PLA2G6: variants seen among roughly 807,000 people sequenced by gnomAD.
The protein encoded by PLA2G6 is 85/88 kDa calcium-independent phospholipase A2.
PLA2G6 carries 62 observed loss-of-function variants against 83.8 expected under a neutral mutation model. That is an observed-to-expected ratio of 0.74 (90% CI 0.60 to 0.91). The LOEUF (loss-of-function observed/expected upper bound fraction) is 0.91, where lower values mean the gene tolerates loss of function less well. Ranked by LOEUF, PLA2G6 falls within the 40% of genes least tolerant of loss-of-function variation. The pLI is 0.00. For synonymous variants in PLA2G6, 417 were observed against 449.8 expected (o/e 0.93, Z 0.92); for missense variants, 944 against 1,102.0 (o/e 0.86, Z 2.03).
At chr22:38,117,276 G>A (rs1243092259) in intron 12 of PLA2G6, among the ~76,000 whole-genome samples, 1 of 152,084 alleles carries the variant, frequency 6.6e-6, no homozygotes, top group Admixed American at 6.6e-5. Context: ...GCGCAATCTC[G>A]GCTCACTGCA....
rs1348483543 is a variant in PLA2G6, at chr22:38,123,536, CCAGTCTCCCCAACT to C, written c.1428-292_1428-279del. ...AGGCGCCATCCCAGCAGGATCTCGG[CCAGTCTCCCCAACT>C]TGGGACACCTGATTTTGGTCAGTAT... On this transcript the variant is annotated intron_variant, in intron 10 of 16. Coordinates refer to ENST00000332509, the MANE Select transcript of PLA2G6 (RefSeq NM_003560.4). This position sits in a 1 kb window ranked among gnomAD's most constrained non-coding sequence, Gnocchi z 4.1. 1.3e-5 allele frequency among the ~76,000 whole-genome samples: 2 copies of C among 152,146 alleles called. No homozygotes were observed. The highest frequency in any genetic ancestry group is 2.9e-5 in the Non-Finnish European group (2 of 68,032).
chr22:38,126,330 G>A (rs374686605), intron 10 of PLA2G6, 41 bp downstream of exon 10: 29 of 1,469,548 alleles, frequency 2.0e-5, no homozygotes, highest in African/African-American at 1.5e-4. Context: ...GCAGGAAAGC[G>A]CACACGTTCC....
rs191263821 is a variant in PLA2G6 at position 38,169,446 on chromosome 22, G to T, written c.-20C>A. The T allele has an allele frequency of 1.5e-3, 2,416 of 1,608,380 alleles. 5 individuals are homozygous for T. The highest frequency in any genetic ancestry group is 1.6e-3 in the Non-Finnish European group (1,920 of 1,175,404). ...CTGCATCTTCTGCGGGGCAGGTGGG[G>T]AGGCCCCACCGTCTTCCCCCTCTGT... On this transcript the variant is annotated 5_prime_UTR_variant, in exon 2 of 17. Coordinates refer to ENST00000332509, the MANE Select transcript of PLA2G6 (RefSeq NM_003560.4).
intron 6 of PLA2G6, chr22:38,133,455 C>T (rs890844447): frequency 4.8e-6 from 1 of 207,180 alleles, no homozygotes; most frequent in Non-Finnish European, 1.0e-5. Flanking sequence ...CAGACCTGAG[C>T]CCAAAGCCCA....
Position 38,139,991 on chromosome 22 carries a change from G to C in PLA2G6, c.788C>G (p.Ser263Cys), listed in dbSNP as rs2088801084. ...GGGGAGGAGGTCTTACCCCTTCTGA[G>C]AGAACTTCATGGCCGAGTGGATGGG... is the stretch of plus-strand genomic sequence containing the variant. ...GYPIHSAMKF[S>C]QKGCAEMIIS... Residue 263 changes from serine (S) to cysteine (C), a missense_variant, in exon 5 of 17, where the codon TCT (serine) becomes TGT (cysteine). Coordinates refer to ENST00000332509, the MANE Select transcript of PLA2G6 (RefSeq NM_003560.4). The C allele has an allele frequency of 6.3e-7, 1 of 1,595,854 alleles. No homozygotes were observed. Among genetic ancestry groups the C allele is most frequent in the Non-Finnish European group, 8.5e-7 (1 of 1,169,992 alleles).
intron 12 of PLA2G6, among the ~76,000 whole-genome samples, chr22:38,117,156 C>G (rs2087256731): frequency 6.6e-6 from 1 of 152,058 alleles, no homozygotes; most frequent in Admixed American, 6.6e-5. Context: ...GAAATATTTC[C>G]TCAAAACCCA....
chr22:38,123,192 G>A lies in PLA2G6; in HGVS notation c.1494C>T (p.Ile498=), dbSNP rs983066224. 1.2e-5 allele frequency: 18 copies of A among 1,553,346 alleles called. No homozygotes were observed. The highest frequency in any genetic ancestry group is 2.4e-5 in the East Asian group (1 of 41,232). ...VKGLIIIQLL[I]AIEKASGVAT... The stretch of plus-strand genomic sequence containing the variant: ...CCACACCCGAGGCCTTCTCGATGGC[G>A]ATGAGGAGCTGGATGATGATGAGGC... The change falls in exon 11 of 17, where the codon ATC becomes ATT. Residue 498 remains isoleucine, a synonymous_variant. Coordinates refer to ENST00000332509, the MANE Select transcript of PLA2G6 (RefSeq NM_003560.4). The surrounding 1 kb of genome is among the most constrained non-coding windows in gnomAD (Gnocchi z 4.1).
intron 2 of PLA2G6, chr22:38,163,432 C>G (rs538135983): frequency 5.9e-5 from 10 of 169,764 alleles, no homozygotes; most frequent in African/African-American, 2.4e-4. Context: ...CCACGGAGAG[C>G]GTGGCACACC....
intron 6 of PLA2G6, 125 bp downstream of exon 6, chr22:38,134,863 C>T (rs1602141895): frequency 7.6e-6 from 5 of 659,600 alleles, no homozygotes; most frequent in South Asian, 5.2e-5. Flanking sequence ...TGCCTGCACA[C>T]CCACTGCAAG....
chr22:38,135,480 C>T (rs1216825926), intron 5 of PLA2G6: 1 of 244,238 alleles, frequency 4.1e-6, no homozygotes, highest in Non-Finnish European at 8.3e-6. Context: ...TGGCACACAG[C>T]CACCCTCCAC....
chr22:38,159,413 G>A (rs1013136711), intron 2 of PLA2G6, among the ~76,000 whole-genome samples: 1 of 152,158 alleles, frequency 6.6e-6, no homozygotes, highest in African/African-American at 2.4e-5. Flanking sequence ...TTTTACCCAT[G>A]AATTCTTCCA....
intron 7 of PLA2G6, among the ~76,000 whole-genome samples, 200 bp from the exon 8 acceptor site, chr22:38,129,762 A>AAC (rs1176084116): frequency 6.6e-6 from 1 of 152,168 alleles, no homozygotes; most frequent in Non-Finnish European, 1.5e-5. Context: ...GGACCTGACA[A>AAC]ACAGGCTTAA....
intron 2 of PLA2G6, chr22:38,148,434 A>T (rs2089387087): frequency 1.4e-6 from 1 of 708,774 alleles, no homozygotes; most frequent in African/African-American, 1.8e-5. Context: ...TGCTGGACAA[A>T]TTATTAAAAA....
chr22:38,112,452 G>T (rs1045677686), intron 16 of PLA2G6, 52 bp downstream of exon 16: 71 of 1,503,874 alleles, frequency 4.7e-5, no homozygotes, highest in Admixed American at 4.7e-4. Flanking sequence ...AGGTCGGTGA[G>T]TCCGACCACG....
At chr22:38,114,250 G>A (rs576607172) in intron 14 of PLA2G6, among the ~76,000 whole-genome samples, 3 of 150,712 alleles carry the variant, frequency 2.0e-5, no homozygotes, top group Admixed American at 1.3e-4. Flanking sequence ...GCGCGATCTC[G>A]GCTCACTGCA....
At chr22:38,143,945 C>T (rs6001023) in intron 3 of PLA2G6, 8,566 of 172,630 alleles carry the variant, frequency 0.05, 775 homozygotes, top group African/African-American at 0.19. Flanking sequence ...GGTTTCACCA[C>T]GTTGGCCAGG....
chr22:38,174,769 G>A (rs558244803), intron 1 of PLA2G6, among the ~76,000 whole-genome samples: 5 of 152,278 alleles, frequency 3.3e-5, no homozygotes, highest in East Asian at 1.9e-4. Flanking sequence ...TGGACGGCTC[G>A]AGAGGGGAAG....
intron 9 of PLA2G6, chr22:38,127,306 G>A (rs941459107): frequency 2.6e-5 from 33 of 1,276,994 alleles, no homozygotes; most frequent in Non-Finnish European, 3.1e-5. Flanking sequence ...GGGAGGGGGC[G>A]TGTGGTGTGT....
At chr22:38,148,859 CTTTTTTTTTTTTT>C (rs200966258) in intron 2 of PLA2G6, 7 of 152,520 alleles carry the variant, frequency 4.6e-5, no homozygotes, top group Middle Eastern at 2.5e-3. Flanking sequence ...TAGATTATTT[CTTTTTTTTTTTTT>C]TTTTTTTTTT....
Sources: gnomAD v4.1 joint callset for allele counts (sites outside exome capture counted in the v4.1 genomes callset) on GRCh38, gnomAD v4.1.1 for gene constraint, Gnocchi (gnomAD v3.1) non-coding constraint, MANE v1.5 for transcripts, NCBI Gene and HGNC (gene_info 2026-07-23, HGNC 2026-07-21) for gene names.